DENND1A: variants seen among roughly 807,000 people sequenced by gnomAD.
DENND1A encodes the protein DENN domain containing 1A.
Under a neutral mutation model 113.7 loss-of-function variants are expected in DENND1A, and 51 were observed. The ratio of observed to expected loss-of-function variants is 0.45; its 90% CI spans 0.36 to 0.57. The LOEUF (loss-of-function observed/expected upper bound fraction) is 0.57. Ranked by LOEUF, DENND1A falls within the 20% of genes least tolerant of loss-of-function variation. The pLI is 0.00. For missense variants in DENND1A, 1,258 were observed against 1,395.9 expected (o/e 0.90, Z 1.57); for synonymous variants, 565 against 570.8 (o/e 0.99, Z 0.14).
intron 2 of DENND1A, among the ~76,000 whole-genome samples, chr9:123,853,822 ATCTT>A (rs1186821854): frequency 1.3e-5 from 2 of 152,312 alleles, no homozygotes; most frequent in Non-Finnish European, 2.9e-5. Flanking sequence ...ACTTAGAGAC[ATCTT>A]TCTATCTTGA....
chr9:123,777,782 G>A (rs556461901), intron 3 of DENND1A, among the ~76,000 whole-genome samples: 64 of 152,262 alleles, frequency 4.2e-4, no homozygotes, highest in African/African-American at 1.3e-3. Context: ...GTTAGCCACC[G>A]TCAACAAACA....
chr9:123,419,380 G>A (rs1046945406), intron 19 of DENND1A, among the ~76,000 whole-genome samples: 5 of 152,280 alleles, frequency 3.3e-5, no homozygotes, highest in African/African-American at 1.2e-4. Context: ...TGGCCCCAGA[G>A]GGGGAAGCTG....
chr9:123,696,475 G>T (rs1453278348), intron 5 of DENND1A, among the ~76,000 whole-genome samples: 1 of 152,058 alleles, frequency 6.6e-6, no homozygotes, highest in Non-Finnish European at 1.5e-5. Context: ...GTGGAGAGTG[G>T]GTACAGTAGG....
intron 5 of DENND1A, among the ~76,000 whole-genome samples, chr9:123,737,561 T>C (rs561256719): frequency 1.3e-5 from 2 of 152,290 alleles, no homozygotes; most frequent in East Asian, 3.9e-4. Flanking sequence ...AAAGCTTAGT[T>C]GTGTTTGGAA....
chr9:123,752,534 A>C (rs73667914), intron 5 of DENND1A, among the ~76,000 whole-genome samples: 3,235 of 152,288 alleles, frequency 0.021, 129 homozygotes, highest in African/African-American at 0.073. Context: ...TTCCTTTATA[A>C]AAGACAAAAG....
chr9:123,745,401 T>TTTTTTAA (rs2069404706), intron 5 of DENND1A, among the ~76,000 whole-genome samples: 2 of 152,218 alleles, frequency 1.3e-5, no homozygotes, highest in Admixed American at 1.3e-4. Flanking sequence ...AAGTGAAGTG[T>TTTTTTAA]ATGCTGGCGA....
chr9:123,597,052 C>T (rs1487248024), intron 11 of DENND1A, among the ~76,000 whole-genome samples: 1 of 152,146 alleles, frequency 6.6e-6, no homozygotes, highest in Non-Finnish European at 1.5e-5. Flanking sequence ...ATTCCCTAGT[C>T]CCCAAATGGT....
At chr9:123,792,049 A>G (rs1833062849) in intron 3 of DENND1A, among the ~76,000 whole-genome samples, 1 of 152,214 alleles carries the variant, frequency 6.6e-6, no homozygotes, top group Non-Finnish European at 1.5e-5. Context: ...AATGCTGTCA[A>G]TTCAAGATGG....
Position 123,662,820 on chromosome 9 carries a change from G to A in DENND1A, c.507+4206C>T, listed in dbSNP as rs188131893. ...GATTTAATGTAAAAATTTTCTAAAG[G>A]TATAGAAAGAATGGGAGAGGGGAAA... On this transcript the variant is annotated intron_variant, in intron 8 of 23. Transcript: ENST00000394215. 1.6e-4 allele frequency among the ~76,000 whole-genome samples: 25 copies of A among 152,250 alleles called. No homozygotes were observed. The East Asian group carries it at 4.0e-3, about 25-fold the overall frequency.
At chr9:123,787,257 TTTCA>T (rs1832329077) in intron 3 of DENND1A, among the ~76,000 whole-genome samples, 1 of 152,188 alleles carries the variant, frequency 6.6e-6, no homozygotes, top group Non-Finnish European at 1.5e-5. Context: ...TGTGGCTTCT[TTTCA>T]TAGTAACAAA....
At chr9:123,587,869 C>T (rs2059256578) in intron 11 of DENND1A, among the ~76,000 whole-genome samples, 1 of 152,196 alleles carries the variant, frequency 6.6e-6, no homozygotes, top group African/African-American at 2.4e-5. Context: ...TCTGAAGATA[C>T]CCCTAATCCG....
chr9:123,683,847 T>C (rs1216327215), intron 5 of DENND1A, among the ~76,000 whole-genome samples: 1 of 152,304 alleles, frequency 6.6e-6, no homozygotes, highest in East Asian at 1.9e-4. Flanking sequence ...CTCATCTCTA[T>C]AGGTTCTATT....
intron 10 of DENND1A, among the ~76,000 whole-genome samples, chr9:123,612,143 C>T (rs892490750): frequency 3.9e-5 from 6 of 152,196 alleles, no homozygotes; most frequent in Admixed American, 3.3e-4. Context: ...TCATCATTTA[C>T]GTATCAAGCC....
At chr9:123,768,219 T>C (rs900213030) in intron 4 of DENND1A, among the ~76,000 whole-genome samples, 10 of 152,146 alleles carry the variant, frequency 6.6e-5, no homozygotes, top group African/African-American at 2.2e-4. Flanking sequence ...AATACTATAA[T>C]GGTTGATTGG....
chr9:123,734,514 C>T (rs1023615399), intron 5 of DENND1A, among the ~76,000 whole-genome samples: 5 of 152,122 alleles, frequency 3.3e-5, no homozygotes, highest in African/African-American at 4.8e-5. Context: ...TAACAATACA[C>T]GTTTCCTTAG....
chr9:123,409,359 C>T (rs1176349921), intron 20 of DENND1A, among the ~76,000 whole-genome samples: 3 of 151,744 alleles, frequency 2.0e-5, no homozygotes, highest in Admixed American at 2.0e-4. Context: ...ATCTGAAACA[C>T]CCCAAAATCC....
intron 2 of DENND1A, among the ~76,000 whole-genome samples, chr9:123,862,827 A>T (rs1203500168): frequency 6.6e-6 from 1 of 152,196 alleles, no homozygotes; most frequent in Non-Finnish European, 1.5e-5. Flanking sequence ...TTATATGTAT[A>T]ACAATCAGGA....
At chr9:123,532,254 T>C (rs1449030171) in intron 13 of DENND1A, among the ~76,000 whole-genome samples, 6 of 152,204 alleles carry the variant, frequency 3.9e-5, no homozygotes, top group Non-Finnish European at 7.3e-5. Context: ...TACATAACCA[T>C]AGTGCGATGA....
chr9:123,467,628 G>A (rs1029293528), intron 13 of DENND1A, among the ~76,000 whole-genome samples: 10 of 152,088 alleles, frequency 6.6e-5, no homozygotes, highest in South Asian at 2.1e-4. Context: ...GCACTCCAGC[G>A]TGGGCAACAA....
Sources: gnomAD v4.1 joint callset for allele counts (sites outside exome capture counted in the v4.1 genomes callset) on GRCh38, gnomAD v4.1.1 for gene constraint, MANE v1.5 for transcripts, NCBI Gene and HGNC (gene_info 2026-07-23, HGNC 2026-07-21) for gene names.